The following RAD51B variants were observed in gnomAD, a reference collection of about 807,000 sequenced individuals.
RAD51B encodes the protein DNA repair protein RAD51 homolog 2.
Under a neutral mutation model 42.2 loss-of-function variants are expected in RAD51B, and 38 were observed. The observed-to-expected ratio is 0.90, with a 90% confidence interval of 0.70 to 1.18. The LOEUF (loss-of-function observed/expected upper bound fraction) is 1.18, where lower values mean the gene tolerates loss of function less well. Among genes scored for constraint, RAD51B ranks in the 50% most tolerant of loss-of-function variants. The pLI, the probability that RAD51B is intolerant of heterozygous loss-of-function variation, is 0.00. For synonymous variants in RAD51B, 154 were observed against 145.2 expected, an observed-to-expected ratio of 1.06 and a Z score of -0.43; for missense variants, 373 against 400.7, an observed-to-expected ratio of 0.93 and a Z score of 0.59.
intron 8 of RAD51B, among the ~76,000 whole-genome samples, chr14:68,394,902 C>T (rs1030298049): frequency 2.0e-5 from 3 of 152,196 alleles, no homozygotes; most frequent in Non-Finnish European, 4.4e-5. Context: ...TCCAGCCCCC[C>T]TCACCCCCGC....
chr14:68,477,457 C>T lies in RAD51B; in HGVS notation c.1037-191C>T, dbSNP rs36094690. On this transcript the variant is annotated intron_variant, in intron 10 of 10. Coordinates refer to ENST00000471583, the MANE Select transcript of RAD51B (RefSeq NM_133510.4). ...GCTATCCTTAGTCAAGCCAGGGCTG[C>T]GGGACCCTAACCCACACTTCCGCTG... is the stretch of plus-strand genomic sequence containing the variant. Among the ~76,000 whole-genome samples the T allele has an allele frequency of 8.1e-3, 1,231 of 152,224 alleles. 7 individuals are homozygous for T. The highest frequency in any genetic ancestry group is 0.013 in the Non-Finnish European group (915 of 68,012).
chr14:68,597,710 G>A (rs141573517), downstream of RAD51B, among the ~76,000 whole-genome samples: 201 of 151,968 alleles, frequency 1.3e-3, no homozygotes, highest in African/African-American at 4.7e-3. Context: ...TTAATACCTG[G>A]GTGATGAAAT....
intron 7 of RAD51B, among the ~76,000 whole-genome samples, chr14:67,985,272 A>G (rs2075164318): frequency 6.6e-6 from 1 of 152,210 alleles, no homozygotes; most frequent in East Asian, 1.9e-4. Context: ...ATTTGCTAGT[A>G]AATTGCAGAG....
chr14:67,821,810 A>G (rs992968400), intron 1 of RAD51B, among the ~76,000 whole-genome samples: 29 of 151,780 alleles, frequency 1.9e-4, no homozygotes, highest in African/African-American at 6.5e-4. Context: ...TGAATTTATC[A>G]GTCTAAATGG....
chr14:68,156,184 T>G (rs1245061850), intron 7 of RAD51B, among the ~76,000 whole-genome samples: 1 of 152,194 alleles, frequency 6.6e-6, no homozygotes, highest in Non-Finnish European at 1.5e-5. Context: ...TTTGTTTGTT[T>G]CCAGACAATT....
intron 10 of RAD51B, among the ~76,000 whole-genome samples, chr14:68,608,511 G>C (rs17106000): frequency 0.027 from 4,126 of 152,302 alleles, 175 homozygotes; most frequent in African/African-American, 0.092. Flanking sequence ...CTAAGGGCCT[G>C]ACCTAGAATG....
intron 4 of RAD51B, among the ~76,000 whole-genome samples, chr14:67,835,920 G>T (rs1020644191): frequency 6.6e-6 from 1 of 152,038 alleles, no homozygotes; most frequent in Non-Finnish European, 1.5e-5. Flanking sequence ...ATTAAAAAAG[G>T]ATCACTCCTT....
At chr14:68,451,467 A>G (rs1398308552) in intron 9 of RAD51B, among the ~76,000 whole-genome samples, 1 of 152,202 alleles carries the variant, frequency 6.6e-6, no homozygotes, top group African/African-American at 2.4e-5. Context: ...CACTGGGGAG[A>G]GTTATTGTAT....
At chr14:67,870,095 TA>T (rs1344341941) in intron 5 of RAD51B, among the ~76,000 whole-genome samples, 4 of 150,010 alleles carry the variant, frequency 2.7e-5, no homozygotes, top group African/African-American at 9.8e-5. Context: ...ATATTAACTT[TA>T]AATGTAAATG....
chr14:68,386,822 C>G lies in RAD51B; in HGVS notation c.854-24602C>G, dbSNP rs535172722. ...CTCTCATTTAGTCCTTCCTTTCCAA[C>G]TTGATGGTATACCACCTGCAAAGCT... On this transcript the variant is annotated intron_variant, in intron 8 of 10. Coordinates refer to ENST00000471583, the MANE Select transcript of RAD51B (RefSeq NM_133510.4). Among the ~76,000 whole-genome samples the G allele has an allele frequency of 2.0e-5, 3 of 152,322 alleles. No individual in the cohort carries two copies. In the South Asian group the frequency reaches 6.2e-4, roughly 32 times the overall value.
chr14:67,977,813 C>G (rs1335178423), intron 7 of RAD51B, among the ~76,000 whole-genome samples: 1 of 152,182 alleles, frequency 6.6e-6, no homozygotes, highest in Admixed American at 6.5e-5. Flanking sequence ...TTTGCACAAG[C>G]CCTGGAGAAC....
At chr14:68,634,697 C>T (rs1056298234) in intron 10 of RAD51B, among the ~76,000 whole-genome samples, 1 of 152,072 alleles carries the variant, frequency 6.6e-6, no homozygotes, top group East Asian at 1.9e-4. Context: ...GGGGGTGAGA[C>T]GGAGGTGGAG....
intron 8 of RAD51B, among the ~76,000 whole-genome samples, chr14:68,405,569 A>G (rs776430194): frequency 2.0e-5 from 3 of 152,218 alleles, no homozygotes; most frequent in Non-Finnish European, 4.4e-5. Flanking sequence ...TAAAGTCTAT[A>G]GTAGACTACA....
intron 10 of RAD51B, among the ~76,000 whole-genome samples, chr14:68,644,788 T>G (rs1274389684): frequency 6.6e-6 from 1 of 152,104 alleles, no homozygotes; most frequent in African/African-American, 2.4e-5. Flanking sequence ...CACAAAAGTC[T>G]TATACACTCA....
intron 7 of RAD51B, among the ~76,000 whole-genome samples, chr14:68,133,045 A>C (rs2077929944): frequency 6.6e-6 from 1 of 152,186 alleles, no homozygotes; most frequent in Non-Finnish European, 1.5e-5. Context: ...TCACAGAAAA[A>C]AGAGGGATGC....
At chr14:68,033,635 A>G (rs957374287) in intron 7 of RAD51B, among the ~76,000 whole-genome samples, 2 of 152,242 alleles carry the variant, frequency 1.3e-5, no homozygotes, top group African/African-American at 2.4e-5. Context: ...CTGGTTTTCC[A>G]ACAAGCTACA....
In RAD51B at chr14:67,977,424, C is replaced by T. The variant is rs759845463; in HGVS notation, c.756+90220C>T. ...ATGAAGAGATTAACTTTAAAAAGTT[C>T]CCTCCGGCCAACTATCAGAATTGGC... is the stretch of plus-strand genomic sequence containing the variant. On this transcript the variant is annotated intron_variant, in intron 7 of 10. Transcript: ENST00000471583. Among the ~76,000 whole-genome samples, 3 of 152,270 alleles carry T rather than the reference C, an allele frequency of 2.0e-5. No homozygotes were observed. The South Asian group carries it at 6.2e-4, about 32-fold the overall frequency.
intron 8 of RAD51B, among the ~76,000 whole-genome samples, chr14:68,385,213 C>T (rs2083567423): frequency 6.6e-6 from 1 of 152,194 alleles, no homozygotes; most frequent in South Asian, 2.1e-4. Context: ...TCTGCATCGA[C>T]AGCATGCCAG....
rs989487808 is a variant in RAD51B, at chr14:68,308,505, C to T, written c.853+16525C>T. 3.3e-5 allele frequency among the ~76,000 whole-genome samples: 5 copies of T among 151,918 alleles called. No homozygotes were observed. The East Asian group carries it at 5.8e-4, about 18-fold the overall frequency. ...AATAAAAGGCCCTACAAGCAGCTTA[C>T]GAAAATAATTTATAAAATATTTTTC... On this transcript the variant is annotated intron_variant, in intron 8 of 10. Coordinates refer to ENST00000471583, the MANE Select transcript of RAD51B (RefSeq NM_133510.4).
Sources: gnomAD v4.1 joint callset for allele counts (sites outside exome capture counted in the v4.1 genomes callset) on GRCh38, gnomAD v4.1.1 for gene constraint, MANE v1.5 for transcripts, NCBI Gene and HGNC (gene_info 2026-07-23, HGNC 2026-07-21) for gene names.